The following ZFP69 variants were observed in gnomAD, a reference collection of about 807,000 sequenced individuals.
ZFP69 encodes zinc finger protein 69 homolog.
Under a neutral mutation model 48.9 loss-of-function variants are expected in ZFP69, and 35 were observed. The ratio of observed to expected loss-of-function variants is 0.72; its 90% confidence interval spans 0.55 to 0.95. ZFP69 has a LOEUF of 0.95. Among genes scored for constraint, ZFP69 ranks in the 40% least tolerant of loss-of-function variants. ZFP69 has a pLI of 0.00. For missense variants in ZFP69, 557 were observed against 638.4 expected (o/e 0.87, Z 1.37); for synonymous variants, 193 against 216.8 (o/e 0.89, Z 0.96).
chr1:40,495,295 T>A lies in ZFP69; in HGVS notation c.817T>A (p.Cys273Ser), dbSNP rs763174967. ...TSYIRTKTYECNICEKIFKQP... is the reference protein window; with the variant it reads ...TSYIRTKTYESNICEKIFKQP... Reference sequence around the variant, plus strand: ...TTACATAAGAACAAAAACCTATGAATGTAATATATGTGAAAAAATCTTCAA... The same window carrying A: ...TTACATAAGAACAAAAACCTATGAAAGTAATATATGTGAAAAAATCTTCAA... Residue 273 changes from cysteine to serine, a missense_variant, in exon 6 of 6, where the codon TGT (cysteine) becomes AGT (serine). Coordinates refer to ENST00000372706, the MANE Select transcript of ZFP69 (RefSeq NM_001320179.2). The A allele has an allele frequency of 2.3e-5, 37 of 1,613,964 alleles. 1 individual carries two copies. The South Asian group carries it at 4.0e-4, about 17-fold the overall frequency.
intron 2 of ZFP69, among the ~76,000 whole-genome samples, chr1:40,481,235 A>G (rs897479640): frequency 1.4e-5 from 2 of 147,410 alleles, no homozygotes; most frequent in Non-Finnish European, 3.0e-5. Context: ...AAAATGGGGC[A>G]TCTTTAGTCT....
chr1:40,493,852 G>A (rs1347907336), intron 5 of ZFP69, among the ~76,000 whole-genome samples: 1 of 152,096 alleles, frequency 6.6e-6, no homozygotes, highest in Non-Finnish European at 1.5e-5. Context: ...ATTAGTAATG[G>A]TGCAACAAAT....
chr1:40,489,319 A>C, intron 4 of ZFP69, 105 bp downstream of exon 4: 1 of 1,444,362 alleles, frequency 6.9e-7, no homozygotes, highest in Non-Finnish European at 9.4e-7. Flanking sequence ...TGGGTTCTGT[A>C]TTAAAGATGT....
At chr1:40,479,905 A>C (rs1375424393) in intron 2 of ZFP69, among the ~76,000 whole-genome samples, 1 of 152,208 alleles carries the variant, frequency 6.6e-6, no homozygotes, top group Non-Finnish European at 1.5e-5. Context: ...ATCTGCTGAG[A>C]GGCAGGAATG....
At chr1:40,489,398 C>A in intron 4 of ZFP69, 131 bp from the exon 5 acceptor site, 1 of 1,113,706 alleles carries the variant, frequency 9.0e-7, no homozygotes, top group Non-Finnish European at 1.3e-6. Flanking sequence ...CTTTACTACA[C>A]ATAGTTAGGA....
At position 40,496,048 on chromosome 1, in the gene ZFP69, A is replaced by G. The variant is rs758806052; in HGVS notation, c.1570A>G (p.Asn524Asp). ...AATACACAGGAGGAACGCCTTCCGA[A>G]ATAAGGTGTAAAAACAGATATTTGA... Reference protein sequence around the residue: ...HEIHRRNAFRNKV With the variant: ...HEIHRRNAFRDKV Residue 524 changes from asparagine (N) to aspartate (D), a missense_variant, in exon 6 of 6, where the codon AAT becomes GAT. By Grantham distance (23) the Asn-to-Asp change is conservative. Coordinates refer to ENST00000372706, the MANE Select transcript of ZFP69 (RefSeq NM_001320179.2). The G allele has an allele frequency of 2.5e-6, 4 of 1,581,168 alleles. No homozygotes were observed. The East Asian group carries it at 9.0e-5, about 35-fold the overall frequency.
chr1:40,494,169 T>A (rs1305254647), intron 5 of ZFP69, among the ~76,000 whole-genome samples: 2 of 151,892 alleles, frequency 1.3e-5, no homozygotes. Context: ...CCAAAAGTAG[T>A]TGTCAATTAA....
chr1:40,479,283 C>T lies in ZFP69; in HGVS notation c.-79C>T. On this transcript the variant is annotated 5_prime_UTR_variant, in exon 2 of 6. Transcript: ENST00000372706. ...AGGTGATTGGAATCTGAGCAACACC[C>T]CACAACTGTGAAGCGTCTCATCAAG... 6.3e-7 allele frequency: 1 copy of T among 1,596,162 alleles called. No individual in the cohort carries two copies. Among genetic ancestry groups the T allele is most frequent in the African/African-American group, 1.3e-5 (1 of 74,574 alleles).
At position 40,479,447 on chromosome 1, in the gene ZFP69, C is replaced by T. The variant is rs548547006; in HGVS notation, c.86C>T (p.Ala29Val). 2.1e-5 allele frequency: 34 copies of T among 1,613,694 alleles called. No homozygotes were observed. The highest frequency in any genetic ancestry group is 8.3e-5 in the Admixed American group (5 of 59,988). ...LQHPKKAVEG[A>V]PLWEDVTKMF... ...CATCCAAAGAAGGCCGTGGAGGGGG[C>T]GCCCCTGTGGGAGGATGTGACTAAA... Residue 29 changes from alanine (A) to valine (V), a missense_variant, in exon 2 of 6, where the codon GCG (alanine) becomes GTG (valine). Physicochemically the swap from Ala to Val is moderately conservative, Grantham distance 64. Coordinates refer to ENST00000372706, the MANE Select transcript of ZFP69 (RefSeq NM_001320179.2).
Position 40,479,567 on chromosome 1 carries a change from G to A in ZFP69, c.127+79G>A, listed in dbSNP as rs533779330. On this transcript the variant is annotated intron_variant, in intron 2 of 5. Transcript: ENST00000372706. ...GATAGGTACACACTTCATTGAAGTG[G>A]AGAGAAGGAGGGAGAGAAGGTCTCT... is the stretch of plus-strand genomic sequence containing the variant. The A allele has an allele frequency of 4.1e-6, 6 of 1,457,792 alleles. No individual in the cohort carries two copies. The South Asian group carries it at 8.3e-5, about 20-fold the overall frequency. 90.3% of individuals were successfully genotyped at this position (1,457,792 alleles called of 1,614,324 possible).
chr1:40,489,268 T>C (rs1220921066), intron 4 of ZFP69, 54 bp downstream of exon 4: 25 of 1,584,004 alleles, frequency 1.6e-5, no homozygotes, highest in Non-Finnish European at 2.1e-5. Flanking sequence ...GGAGAGTCAT[T>C]ATTTTAAATT....
chr1:40,484,763 A>G (rs920705584), intron 3 of ZFP69, among the ~76,000 whole-genome samples: 16 of 148,608 alleles, frequency 1.1e-4, no homozygotes, highest in African/African-American at 2.7e-4. Context: ...TTGTATTTTT[A>G]GCAGAGACGA....
At chr1:40,484,403 T>C (rs1645474239) in intron 3 of ZFP69, among the ~76,000 whole-genome samples, 1 of 151,898 alleles carries the variant, frequency 6.6e-6, no homozygotes, top group Admixed American at 6.6e-5. Context: ...TTCACCATGT[T>C]GGCTAGGCTG....
intron 2 of ZFP69, among the ~76,000 whole-genome samples, chr1:40,481,511 T>A (rs1411480173): frequency 6.6e-6 from 1 of 152,000 alleles, no homozygotes; most frequent in East Asian, 1.9e-4. Context: ...GGAGTGGGAT[T>A]TAAAGGATTC....
intron 5 of ZFP69, among the ~76,000 whole-genome samples, chr1:40,494,257 T>A (rs904695619): frequency 7.7e-3 from 24 of 3,122 alleles, no homozygotes; most frequent in Non-Finnish European, 9.0e-3. Context: ...AGATTCAAAA[T>A]TTTTTTTTTT....
intron 5 of ZFP69, chr1:40,493,428 G>A (rs1645589543): frequency 6.6e-6 from 1 of 152,094 alleles, no homozygotes; most frequent in African/African-American, 2.4e-5. Context: ...GCCTCTGGAT[G>A]AAATCTCAAA....
At chr1:40,479,923 A>G (rs552366698) in intron 2 of ZFP69, among the ~76,000 whole-genome samples, 3 of 152,308 alleles carry the variant, frequency 2.0e-5, no homozygotes, top group Admixed American at 6.5e-5. Flanking sequence ...ATGACATGCC[A>G]GATTACTCTC....
chr1:40,488,576 C>T (rs955562157), intron 3 of ZFP69, among the ~76,000 whole-genome samples: 2 of 152,216 alleles, frequency 1.3e-5, no homozygotes, highest in Non-Finnish European at 2.9e-5. Flanking sequence ...TTTCCACTCT[C>T]TCATCAACCA....
At chr1:40,479,841 C>G (rs1224387318) in intron 2 of ZFP69, among the ~76,000 whole-genome samples, 1 of 152,218 alleles carries the variant, frequency 6.6e-6, no homozygotes, top group East Asian at 1.9e-4. Flanking sequence ...GCACAGGTTC[C>G]AGTCATTTTA....
Sources: allele counts gnomAD v4.1 joint callset (sites outside exome capture counted in the v4.1 genomes callset), GRCh38; gene constraint gnomAD v4.1.1; transcripts MANE v1.5; gene names NCBI Gene and HGNC (gene_info 2026-07-23, HGNC 2026-07-21).